TCP1: variants seen among roughly 807,000 people sequenced by gnomAD.
The protein encoded by TCP1 is t-complex 1.
In TCP1, 6 loss-of-function variants were observed where a neutral mutation model predicts 54.7. That is an observed-to-expected ratio of 0.11 (90% CI 0.06 to 0.22). The LOEUF is 0.22. TCP1 is among the 10% of genes least tolerant of loss of function. The pLI is 1.00. For missense variants in TCP1, 511 were observed against 678.2 expected (o/e 0.75, Z 2.74); for synonymous variants, 225 against 229.7 (o/e 0.98, Z 0.19).
chr6:159,784,533 T>C (rs1780649145), intron 6 of TCP1, 133 bp downstream of exon 6: 1 of 897,270 alleles, frequency 1.1e-6, no homozygotes, highest in Non-Finnish European at 1.7e-6. Flanking sequence ...CTCAAACTCC[T>C]GCCCTCGTGA....
intron 7 of TCP1, among the ~76,000 whole-genome samples, 199 bp downstream of exon 7, chr6:159,783,742 C>T (rs922584088): frequency 6.6e-6 from 1 of 152,052 alleles, no homozygotes; most frequent in Admixed American, 6.6e-5. Flanking sequence ...CTGTCTTTTA[C>T]ATCTTTAATA....
chr6:159,784,163 C>G, intron 6 of TCP1, 96 bp from the exon 7 acceptor site: 1 of 1,412,110 alleles, frequency 7.1e-7, no homozygotes. Context: ...CAAATTTAGA[C>G]TAATTCATTG....
At chr6:159,780,685 G>A in intron 8 of TCP1, 119 bp from the exon 9 acceptor site, 1 of 1,357,960 alleles carries the variant, frequency 7.4e-7, no homozygotes, top group Non-Finnish European at 1.0e-6. Flanking sequence ...TAGTTAGGCA[G>A]CACACGGTAA....
At chr6:159,785,765 T>C in intron 4 of TCP1, 135 bp downstream of exon 4, 1 of 837,132 alleles carries the variant, frequency 1.2e-6, no homozygotes, top group Non-Finnish European at 2.0e-6. Flanking sequence ...TAACTTCAAA[T>C]ATTACTACTT....
intron 7 of TCP1, among the ~76,000 whole-genome samples, chr6:159,783,337 T>C (rs1003822276): frequency 7.5e-6 from 1 of 134,218 alleles, no homozygotes; most frequent in African/African-American, 2.9e-5. Flanking sequence ...CATTTCTTAC[T>C]CTTGGCAAAG....
rs770712952 is a variant in TCP1, at chr6:159,780,572, AAG to A, written c.974-8_974-7del. 68 of 1,610,444 alleles carry A rather than the reference AAG, an allele frequency of 4.2e-5. No homozygotes were observed. Among genetic ancestry groups the A allele is most frequent in the East Asian group, 8.9e-5 (4 of 44,846 alleles). ...CAGGGTTGACAGAATAGTTGCTAATAAGAGAGTTACAAAGGATCTGTGAATAT... is the reference window on the plus strand; with the variant it reads ...CAGGGTTGACAGAATAGTTGCTAATAAGAGTTACAAAGGATCTGTGAATAT... On this transcript the variant is annotated splice_polypyrimidine_tract_variant and splice_region_variant and intron_variant, in intron 8 of 11. Transcript: ENST00000321394.
intron 10 of TCP1, 51 bp downstream of exon 10, chr6:159,779,844 G>A: frequency 6.3e-7 from 1 of 1,592,032 alleles, no homozygotes; most frequent in Non-Finnish European, 8.5e-7. Context: ...AAAAATTGAA[G>A]TCCACAGCTA....
At chr6:159,781,239 T>TTAA in intron 7 of TCP1, 129 bp from the exon 8 acceptor site, 2 of 875,260 alleles carry the variant, frequency 2.3e-6, no homozygotes, top group Non-Finnish European at 3.2e-6. Flanking sequence ...TGACCAGAAT[T>TTAA]TAAATTAGTC....
intron 10 of TCP1, 49 bp downstream of exon 10, chr6:159,779,846 C>T: frequency 6.3e-7 from 1 of 1,596,004 alleles, no homozygotes; most frequent in Non-Finnish European, 8.5e-7. Flanking sequence ...AAATTGAAGT[C>T]CACAGCTACT....
intron 6 of TCP1, 30 bp from the exon 7 acceptor site, chr6:159,784,097 C>T (rs376001468): frequency 2.1e-5 from 33 of 1,601,952 alleles, no homozygotes; most frequent in Middle Eastern, 1.7e-4. Context: ...TAAGTTAATA[C>T]GTCTATCCTT....
chr6:159,789,392 G>A lies in TCP1; in HGVS notation c.64+13C>T, dbSNP rs991386648. 1.1e-5 allele frequency: 18 copies of A among 1,611,146 alleles called. No individual in the cohort carries two copies. The highest frequency in any genetic ancestry group is 4.0e-5 in the African/African-American group (3 of 74,866). The stretch of plus-strand genomic sequence containing the variant: ...CCGGCCGCAAACCCGACCCAGGCCC[G>A]GCCCGCCCTTACCGTTTTGGGAGCG... On this transcript the variant is annotated intron_variant, in intron 1 of 11. Coordinates refer to ENST00000321394, the MANE Select transcript of TCP1 (RefSeq NM_030752.3).
chr6:159,785,303 G>A, intron 5 of TCP1, 83 bp downstream of exon 5: 1 of 1,041,806 alleles, frequency 9.6e-7, no homozygotes, highest in South Asian at 1.3e-5. Flanking sequence ...TAGTAGCTGG[G>A]ACTACAGGCA....
chr6:159,782,378 G>GA (rs1397114455), intron 7 of TCP1, among the ~76,000 whole-genome samples: 1 of 152,034 alleles, frequency 6.6e-6, no homozygotes, highest in African/African-American at 2.4e-5. Flanking sequence ...GCCCCAGGAA[G>GA]AAAAAATACA....
At chr6:159,783,803 G>T in intron 7 of TCP1, 138 bp downstream of exon 7, 1 of 1,139,590 alleles carries the variant, frequency 8.8e-7, no homozygotes, top group Non-Finnish European at 1.2e-6. Flanking sequence ...TTTTCATATA[G>T]GTTGTATAAC....
At position 159,780,928 on chromosome 6, in the gene TCP1, G is replaced by A. The variant is rs780520451; in HGVS notation, c.973+7C>T. ...GTATTTTATGTGACAGCCAGCACAA[G>A]ACATACCTCCAGAAGCTTTGGCAAT... On this transcript the variant is annotated splice_region_variant and intron_variant, in intron 8 of 11. Transcript: ENST00000321394. 3.8e-6 allele frequency: 6 copies of A among 1,595,880 alleles called. No individual in the cohort carries two copies. The Admixed American group carries it at 7.3e-5, about 19-fold the overall frequency.
intron 11 of TCP1, 176 bp downstream of exon 11, chr6:159,779,451 A>G: frequency 1.0e-6 from 1 of 979,760 alleles, no homozygotes; most frequent in South Asian, 1.7e-5. Context: ...AGTGCTAATA[A>G]TTAGTCATTA....
intron 1 of TCP1, chr6:159,789,201 G>A: frequency 1.8e-6 from 1 of 564,744 alleles, no homozygotes; most frequent in Admixed American, 3.1e-5. Context: ...CCTGCCGCGC[G>A]CGGCGGGGCT....
intron 9 of TCP1, 100 bp downstream of exon 9, chr6:159,780,343 G>A (rs377168769): frequency 1.4e-5 from 21 of 1,555,272 alleles, no homozygotes; most frequent in South Asian, 1.3e-4. Flanking sequence ...ATAACTGCTC[G>A]TATCACTGTG....
rs753392297 is a variant in TCP1 at position 159,779,982 on chromosome 6, T to A, written c.1203A>T (p.Arg401Ser). The change falls in exon 10 of 12, where the codon AGA (arginine) becomes AGT (serine). Residue 401 changes from arginine to serine, a missense_variant. Arg to Ser is a moderately radical substitution (Grantham distance 110). Coordinates refer to ENST00000321394, the MANE Select transcript of TCP1 (RefSeq NM_030752.3). ...GAACCACAGATTTTGACTCCAAAACTCTCTTCACTACACAAAGTGCATCAT... is the reference window on the plus strand; with the variant it reads ...GAACCACAGATTTTGACTCCAAAACACTCTTCACTACACAAAGTGCATCAT... Reference protein sequence around the residue: ...SLHDALCVVKRVLESKSVVPG... With the variant: ...SLHDALCVVKSVLESKSVVPG... The A allele has an allele frequency of 6.2e-7, 1 of 1,614,106 alleles. No individual in the cohort carries two copies. Among genetic ancestry groups the A allele is most frequent in the Non-Finnish European group, 8.5e-7 (1 of 1,180,024 alleles).
Sources: gnomAD v4.1 joint callset for allele counts (sites outside exome capture counted in the v4.1 genomes callset) on GRCh38, gnomAD v4.1.1 for gene constraint, MANE v1.5 for transcripts, NCBI Gene and HGNC (gene_info 2026-07-23, HGNC 2026-07-21) for gene names.